TRIM37: variants seen among roughly 807,000 people sequenced by gnomAD.
TRIM37 encodes E3 ubiquitin-protein ligase TRIM37.
In TRIM37, 80 loss-of-function variants were observed where a neutral mutation model predicts 129.8. That is an observed-to-expected ratio of 0.62 (90% CI 0.51 to 0.74). The LOEUF is 0.74. Ranked by LOEUF, TRIM37 falls within the 30% of genes least tolerant of loss-of-function variation. TRIM37 has a pLI of 0.00. For missense variants in TRIM37, 1,054 were observed against 1,176.5 expected, an observed-to-expected ratio of 0.90 and a Z score of 1.52; for synonymous variants, 389 against 387.1, an observed-to-expected ratio of 1.00 and a Z score of -0.06.
chr17:59,060,578 C>T (rs2041392142), intron 12 of TRIM37, among the ~76,000 whole-genome samples: 1 of 152,120 alleles, frequency 6.6e-6, no homozygotes, highest in South Asian at 2.1e-4. Flanking sequence ...AATATTCCTC[C>T]TTGTCAAAAA....
intron 4 of TRIM37, among the ~76,000 whole-genome samples, chr17:59,086,723 C>A (rs1336972313): frequency 1.3e-5 from 2 of 152,118 alleles, no homozygotes; most frequent in South Asian, 2.1e-4. Context: ...TTCCAAAAGA[C>A]CAAATTTATA....
the TRIM37 span, among the ~76,000 whole-genome samples, chr17:58,975,397 A>G: frequency 1.5e-4 from 23 of 152,320 alleles, no homozygotes; most frequent in African/African-American, 5.1e-4. Context: ...AGCACTGTGG[A>G]AGGCCAAGGA....
At chr17:59,085,752 A>C (rs1426936436) in intron 4 of TRIM37, among the ~76,000 whole-genome samples, 2 of 152,254 alleles carry the variant, frequency 1.3e-5, no homozygotes, top group African/African-American at 4.8e-5. Context: ...CCATAGTCAT[A>C]GCAGCATTAT....
intron 17 of TRIM37, among the ~76,000 whole-genome samples, chr17:59,041,587 A>C (rs563235153): frequency 6.6e-6 from 1 of 152,354 alleles, no homozygotes; most frequent in African/African-American, 2.4e-5. Context: ...AAGGTACTTA[A>C]AGTGCTTCTC....
downstream of TRIM37, chr17:58,979,875 C>T: frequency 1.1e-6 from 1 of 918,484 alleles, no homozygotes; most frequent in Non-Finnish European, 1.6e-6. Context: ...GTTCACAATC[C>T]AGTAAGCTGT....
At chr17:59,045,575 G>C (rs2039699723) in intron 16 of TRIM37, among the ~76,000 whole-genome samples, 5 of 150,438 alleles carry the variant, frequency 3.3e-5, no homozygotes, top group Non-Finnish European at 7.4e-5. Flanking sequence ...GGAGGCGGAG[G>C]TTGCAGTGAG....
chr17:59,090,541 TC>T (rs1419849013), intron 3 of TRIM37, among the ~76,000 whole-genome samples: 2 of 152,158 alleles, frequency 1.3e-5, no homozygotes, highest in South Asian at 4.1e-4. Flanking sequence ...AGTATCAGAA[TC>T]AGAAGGCTTT....
chr17:59,081,172 G>A lies in TRIM37; in HGVS notation c.417C>T (p.His139=), dbSNP rs760967525. 32 of 1,613,670 alleles carry A rather than the reference G, an allele frequency of 2.0e-5. No individual in the cohort carries two copies. The highest frequency in any genetic ancestry group is 4.5e-5 in the East Asian group (2 of 44,864). The stretch of plus-strand genomic sequence containing the variant: ...CTACCTCTTCATTCACTTTAGTGAC[G>A]TGTTGCTCATAAATTTCTGCCAAAG... ...FKPLAEIYEQ[H]VTKVNEEVAK... The change falls in exon 6 of 24, where the codon CAC becomes CAT. Residue 139 remains histidine, a synonymous_variant. Transcript: ENST00000262294.
At chr17:58,989,484 G>A (rs1350973991) in intron 24 of TRIM37, among the ~76,000 whole-genome samples, 3 of 151,982 alleles carry the variant, frequency 2.0e-5, no homozygotes, top group Non-Finnish European at 4.4e-5. Context: ...AAAAATGGTG[G>A]ATACTATGCA....
At chr17:59,061,420 T>C (rs1277980580) in intron 11 of TRIM37, among the ~76,000 whole-genome samples, 1 of 151,926 alleles carries the variant, frequency 6.6e-6, no homozygotes, top group East Asian at 1.9e-4. Context: ...GGAAAAATAA[T>C]TTCATTAGAA....
the TRIM37 span, among the ~76,000 whole-genome samples, chr17:58,976,179 G>A: frequency 7.9e-5 from 12 of 152,146 alleles, no homozygotes; most frequent in Non-Finnish European, 1.5e-4. Context: ...AATTGAAGAC[G>A]AGAGAGTAGA....
chr17:58,976,609 T>C, the TRIM37 span, among the ~76,000 whole-genome samples: 1 of 152,210 alleles, frequency 6.6e-6, no homozygotes, highest in African/African-American at 2.4e-5. Context: ...ATATGTTTCC[T>C]AACATATGGA....
At chr17:59,005,854 C>T (rs766383877) in intron 22 of TRIM37, among the ~76,000 whole-genome samples, 1 of 152,112 alleles carries the variant, frequency 6.6e-6, no homozygotes, top group African/African-American at 2.4e-5. Context: ...TACTTAGCAG[C>T]AGACAGGGCC....
downstream of TRIM37, among the ~76,000 whole-genome samples, chr17:58,979,619 T>C (rs2143816376): frequency 6.6e-6 from 1 of 152,324 alleles, no homozygotes; most frequent in Non-Finnish European, 1.5e-5. Context: ...GAATCAACCA[T>C]GTCTTCCTAC....
At chr17:58,985,814 C>G (rs2031752509) in intron 24 of TRIM37, among the ~76,000 whole-genome samples, 1 of 152,102 alleles carries the variant, frequency 6.6e-6, no homozygotes, top group African/African-American at 2.4e-5. Context: ...ACTCCTAATT[C>G]CCTAAATTCA....
chr17:59,090,083 G>A (rs1438911653), intron 3 of TRIM37: 7 of 152,140 alleles, frequency 4.6e-5, no homozygotes, highest in Admixed American at 4.6e-4. Context: ...CTGGACGACA[G>A]AGCGAGACTC....
intron 14 of TRIM37, among the ~76,000 whole-genome samples, chr17:59,049,597 G>C (rs537380140): frequency 6.6e-6 from 1 of 152,144 alleles, no homozygotes; most frequent in Admixed American, 6.6e-5. Context: ...GGGCTCAAAC[G>C]ATCCTACTGC....
downstream of TRIM37, among the ~76,000 whole-genome samples, chr17:58,995,782 A>G (rs187785653): frequency 2.9e-3 from 448 of 152,248 alleles, 1 homozygote; most frequent in Non-Finnish European, 4.7e-3. Context: ...CTATCGCAGC[A>G]CTTTTGGAGG....
chr17:59,001,611 CTG>C lies in TRIM37; in HGVS notation c.2797_2798del (p.Gln933AlafsTer4), dbSNP rs757289300. The C allele has an allele frequency of 6.2e-7, 1 of 1,614,046 alleles. No individual in the cohort carries two copies. The highest frequency in any genetic ancestry group is 8.5e-7 in the Non-Finnish European group (1 of 1,179,964). ...CATGTGCTGCACCTTCATCCGGGGG[CTG>C]TGTCATGACCATGAAGGAGTCGTGA... ...GFHDSFMVMT[Q>X]PPDEDTHSSF... On this transcript the variant is annotated frameshift_variant, in exon 23 of 24. Coordinates refer to ENST00000262294, the MANE Select transcript of TRIM37 (RefSeq NM_015294.6). LOFTEE classifies it high-confidence loss of function.
Sources: gnomAD v4.1 joint callset for allele counts (sites outside exome capture counted in the v4.1 genomes callset) on GRCh38, gnomAD v4.1.1 for gene constraint, MANE v1.5 for transcripts, NCBI Gene and HGNC (gene_info 2026-07-23, HGNC 2026-07-21) for gene names.